POF1B: variants seen among roughly 807,000 people sequenced by gnomAD.
The protein encoded by POF1B is protein POF1B.
A neutral mutation model predicts 55.3 loss-of-function variants in POF1B; 53 were observed. That is an observed-to-expected ratio of 0.96 (90% CI 0.77 to 1.20). The LOEUF is 1.20. POF1B is among the 50% of genes most tolerant of loss of function. The pLI, the probability that POF1B is intolerant of heterozygous loss-of-function variation, is 0.00. For missense variants in POF1B, 478 were observed against 420.5 expected, an observed-to-expected ratio of 1.14 and a Z score of -1.20; for synonymous variants, 188 against 148.3, an observed-to-expected ratio of 1.27 and a Z score of -1.95.
chrX:85,307,181 T>C lies in POF1B; in HGVS notation c.1146A>G (p.Ala382=), dbSNP rs1239096267. The C allele has an allele frequency of 8.3e-7, 1 of 1,203,221 alleles. No homozygotes were observed. The highest frequency in any genetic ancestry group is 1.8e-5 in the South Asian group (1 of 55,735). Residue 382 remains alanine, a synonymous_variant, in exon 11 of 17, where the codon GCA becomes GCG. Transcript: ENST00000262753. ...AGTTTACCTGCTGCTGGTGATTATT[T>C]GCTCTCACTGATGCCAAGAGTTCTT... ...EYEELLASVR[A]NNHQQQQGLQ...
intron 12 of POF1B, 35 bp from the exon 13 acceptor site, chrX:85,305,945 T>A (rs760307577): frequency 1.7e-6 from 2 of 1,181,454 alleles, no homozygotes; most frequent in Non-Finnish European, 2.3e-6. Context: ...GTAATTGGAT[T>A]GTTTTGAAGA....
intron 4 of POF1B, among the ~76,000 whole-genome samples, chrX:85,356,526 G>A (rs1037790612): frequency 1.9e-4 from 21 of 109,095 alleles, no homozygotes; most frequent in African/African-American, 6.0e-4. Flanking sequence ...GAATATTTTC[G>A]CCATATTACT....
chrX:85,299,439 C>T (rs1287305960), intron 15 of POF1B, among the ~76,000 whole-genome samples: 23 of 105,729 alleles, frequency 2.2e-4, no homozygotes, highest in African/African-American at 8.1e-4. Flanking sequence ...CAGGCGCCCG[C>T]TACCACGCCT....
intron 7 of POF1B, among the ~76,000 whole-genome samples, chrX:85,319,867 G>T (rs1932819824): frequency 9.0e-6 from 1 of 111,510 alleles, no homozygotes; most frequent in Non-Finnish European, 1.9e-5. Context: ...TTGGTATCAG[G>T]ATGATGCTGG....
intron 15 of POF1B, among the ~76,000 whole-genome samples, chrX:85,302,382 A>T (rs1932478298): frequency 8.9e-6 from 1 of 111,747 alleles, no homozygotes; most frequent in Non-Finnish European, 1.9e-5. Flanking sequence ...TCAAAACTCC[A>T]ATTGGATACC....
intron 15 of POF1B, among the ~76,000 whole-genome samples, chrX:85,298,063 G>T (rs1421407287): frequency 8.9e-6 from 1 of 112,344 alleles, no homozygotes; most frequent in Non-Finnish European, 1.9e-5. Context: ...TGTGCTAGGA[G>T]AGCTGAAGTG....
intron 15 of POF1B, among the ~76,000 whole-genome samples, chrX:85,284,679 G>A (rs760524609): frequency 2.7e-5 from 3 of 111,698 alleles, no homozygotes; most frequent in Non-Finnish European, 5.7e-5. Flanking sequence ...AGACTTAAAT[G>A]TTAGACCTAA....
At chrX:85,345,182 C>T (rs1933245725) in intron 6 of POF1B, among the ~76,000 whole-genome samples, 1 of 110,670 alleles carries the variant, frequency 9.0e-6, no homozygotes, top group Non-Finnish European at 1.9e-5. Context: ...CCCATTGTTC[C>T]AGTTATTAAT....
At chrX:85,314,310 A>C in intron 9 of POF1B, 122 bp downstream of exon 9, 1 of 515,780 alleles carries the variant, frequency 1.9e-6, no homozygotes, top group Non-Finnish European at 3.0e-6. Flanking sequence ...CTAACCAAAG[A>C]ATCCTCAACT....
chrX:85,281,363 G>T (rs1931894316), intron 16 of POF1B, among the ~76,000 whole-genome samples: 1 of 110,194 alleles, frequency 9.1e-6, no homozygotes, highest in Admixed American at 9.7e-5. Flanking sequence ...ATATCTGTAG[G>T]GGATCCTGGA....
At chrX:85,327,576 T>C (rs1225265829) in intron 7 of POF1B, among the ~76,000 whole-genome samples, 3 of 111,917 alleles carry the variant, frequency 2.7e-5, no homozygotes, top group African/African-American at 9.7e-5. Flanking sequence ...TTGCCCAAAA[T>C]AGAATTTATA....
At chrX:85,283,642 A>G (rs1328636731) in intron 15 of POF1B, among the ~76,000 whole-genome samples, 1 of 110,731 alleles carries the variant, frequency 9.0e-6, no homozygotes. Context: ...TAATTGACAT[A>G]ATGACCAAAT....
intron 2 of POF1B, among the ~76,000 whole-genome samples, chrX:85,369,553 A>C (rs1385488839): frequency 8.9e-6 from 1 of 111,822 alleles, no homozygotes; most frequent in Non-Finnish European, 1.9e-5. Context: ...TCTACAACTT[A>C]AACCAAACAG....
chrX:85,322,466 C>T (rs1056556925), intron 7 of POF1B, among the ~76,000 whole-genome samples: 1 of 111,759 alleles, frequency 8.9e-6, no homozygotes, highest in Non-Finnish European at 1.9e-5. Flanking sequence ...AAGACTTAAA[C>T]ATTAGACCTA....
rs1240273334 is a variant in POF1B, at chrX:85,299,730, A to G, written c.1649+3676T>C. 8.9e-4 allele frequency among the ~76,000 whole-genome samples: 78 copies of G among 87,379 alleles called. No homozygotes were observed. In the Middle Eastern group the frequency reaches 0.024, roughly 27 times the overall value. 75.9% of individuals were successfully genotyped at this position (87,379 alleles called of 115,157 possible). ...TCACCATGTTAGCCAGGATGGTCTCAATCTCCTGACCTCGTGATCCATCCA... is the reference window on the plus strand; with the variant it reads ...TCACCATGTTAGCCAGGATGGTCTCGATCTCCTGACCTCGTGATCCATCCA... On this transcript the variant is annotated intron_variant, in intron 15 of 16. Transcript: ENST00000262753.
At chrX:85,355,603 A>G (rs1603070104) in intron 4 of POF1B, among the ~76,000 whole-genome samples, 1 of 111,853 alleles carries the variant, frequency 8.9e-6, no homozygotes, top group East Asian at 2.8e-4. Context: ...AACTCAAACA[A>G]ATTTACAAGA....
At chrX:85,294,707 G>GCTCA (rs1290972826) in intron 15 of POF1B, among the ~76,000 whole-genome samples, 5 of 111,367 alleles carry the variant, frequency 4.5e-5, no homozygotes, top group African/African-American at 1.6e-4. Context: ...CCAGATTTTG[G>GCTCA]TATCAGGATA....
chrX:85,339,597 C>A (rs1266659323), intron 6 of POF1B, among the ~76,000 whole-genome samples: 2 of 111,437 alleles, frequency 1.8e-5, no homozygotes, highest in Non-Finnish European at 3.8e-5. Flanking sequence ...TCAATAAAAG[C>A]AGTTTCAGGA....
chrX:85,365,110 T>C (rs2147948160), intron 3 of POF1B, among the ~76,000 whole-genome samples: 1 of 112,190 alleles, frequency 8.9e-6, no homozygotes, highest in African/African-American at 3.2e-5. Context: ...TCAGATCAGT[T>C]AGGTTCTTTT....
Sources: gnomAD v4.1 joint callset for allele counts (sites outside exome capture counted in the v4.1 genomes callset) on GRCh38, gnomAD v4.1.1 for gene constraint, MANE v1.5 for transcripts, NCBI Gene and HGNC (gene_info 2026-07-23, HGNC 2026-07-21) for gene names.